The following DGKB variants were observed in gnomAD, a reference collection of about 807,000 sequenced individuals.
DGKB encodes the protein diacylglycerol kinase beta.
A neutral mutation model predicts 114.3 loss-of-function variants in DGKB; 67 were observed. The ratio of observed to expected loss-of-function variants is 0.59; its 90% CI spans 0.48 to 0.72. DGKB has a LOEUF of 0.72. DGKB is among the 30% of genes least tolerant of loss of function. The probability of loss-of-function intolerance (pLI) is 0.00; values close to 1 mark genes in which losing one functional copy is unlikely to be tolerated. For missense variants in DGKB, 907 were observed against 975.2 expected (o/e 0.93, Z 0.93); for synonymous variants, 398 against 323.1 (o/e 1.23, Z -2.49).
At chr7:14,303,265 G>A (rs531961789) in intron 23 of DGKB, among the ~76,000 whole-genome samples, 3 of 151,994 alleles carry the variant, frequency 2.0e-5, no homozygotes, top group South Asian at 2.1e-4. Context: ...AAGTTATTGC[G>A]TTTCATTTTT....
At chr7:14,618,922 G>A (rs1807078631) in intron 15 of DGKB, among the ~76,000 whole-genome samples, 1 of 151,054 alleles carries the variant, frequency 6.6e-6, no homozygotes, top group Non-Finnish European at 1.5e-5. Context: ...TAACTTTATG[G>A]TAGATCTTTT....
rs368304510 is a variant in DGKB at position 14,169,289 on chromosome 7, C to T, written c.2304+7550G>A. 2.3e-4 allele frequency among the ~76,000 whole-genome samples: 33 copies of T among 146,140 alleles called. 1 individual carries two copies. The highest frequency in any genetic ancestry group is 1.2e-3 in the Admixed American group (17 of 14,204). ...CTGAGGCAGGAGAATGGCGTGAACCCGGGAGGTGGAGATTGCAGTGAGCCG... is the reference window on the plus strand; with the variant it reads ...CTGAGGCAGGAGAATGGCGTGAACCTGGGAGGTGGAGATTGCAGTGAGCCG... On this transcript the variant is annotated intron_variant, in intron 25 of 25. Transcript: ENST00000402815.
intron 21 of DGKB, among the ~76,000 whole-genome samples, chr7:14,430,868 A>G (rs1828352231): frequency 6.6e-6 from 1 of 152,196 alleles, no homozygotes; most frequent in African/African-American, 2.4e-5. Flanking sequence ...CTATCTAAGA[A>G]TCTACCTTTA....
At chr7:14,327,818 A>C (rs1053129823) in intron 23 of DGKB, among the ~76,000 whole-genome samples, 1 of 152,092 alleles carries the variant, frequency 6.6e-6, no homozygotes, top group African/African-American at 2.4e-5. Flanking sequence ...CAAGTATAAA[A>C]ATTTTTGTAA....
rs1250273818 is a variant in DGKB at position 14,682,478 on chromosome 7, G to GGACTT, written c.1035+70_1035+74dup. On this transcript the variant is annotated intron_variant, in intron 12 of 25. Transcript: ENST00000402815. ...AGTTTCAGGAAGCCCTTCTAGGGTA[G>GGACTT]GACTTTCAGAGAGTATGATATACAC... 2.5e-5 allele frequency: 25 copies of GGACTT among 982,702 alleles called. No individual in the cohort carries two copies. In the African/African-American group the frequency reaches 3.2e-4, roughly 13 times the overall value. The allele number at this position is 982,702 out of a possible 1,614,324, so 60.9% of individuals were successfully genotyped here.
At chr7:14,864,786 G>C (rs1484005046) in intron 1 of DGKB, among the ~76,000 whole-genome samples, 1 of 127,172 alleles carries the variant, frequency 7.9e-6, no homozygotes, top group Non-Finnish European at 1.9e-5. Flanking sequence ...AGGGATAAGA[G>C]ATGATGACAA....
At chr7:14,885,694 T>G (rs974744657) in intron 1 of DGKB, among the ~76,000 whole-genome samples, 1 of 151,948 alleles carries the variant, frequency 6.6e-6, no homozygotes. Context: ...TACCATGGAC[T>G]GTGCTAAGAT....
intron 5 of DGKB, among the ~76,000 whole-genome samples, chr7:14,731,599 C>T (rs1830934245): frequency 6.6e-6 from 1 of 151,976 alleles, no homozygotes; most frequent in African/African-American, 2.4e-5. Flanking sequence ...TTAAATTTCT[C>T]TTAGGTTATG....
intron 20 of DGKB, among the ~76,000 whole-genome samples, chr7:14,548,698 G>A (rs1300602009): frequency 6.6e-6 from 1 of 152,120 alleles, no homozygotes; most frequent in South Asian, 2.1e-4. Flanking sequence ...CAACAGCAGG[G>A]CCACTGGAGC....
chr7:14,150,275 T>G (rs1170423711), intron 25 of DGKB, among the ~76,000 whole-genome samples: 2 of 152,118 alleles, frequency 1.3e-5, no homozygotes, highest in Non-Finnish European at 2.9e-5. Context: ...TGAGTATTTC[T>G]TTCAAAAAGA....
In DGKB at chr7:14,315,340, A is replaced by C. The variant is rs371401911; in HGVS notation, c.2122+23175T>G. Among the ~76,000 whole-genome samples, 45 of 149,948 alleles carry C rather than the reference A, an allele frequency of 3.0e-4. 1 individual carries two copies. In the South Asian group the frequency reaches 9.0e-3, roughly 30 times the overall value. ...CCAATTAAAAGACACAGACTGGCAA[A>C]TTGGATAAAGAGTCAAGACCCATCA... On this transcript the variant is annotated intron_variant, in intron 23 of 25. Transcript: ENST00000402815.
chr7:14,517,946 C>T (rs1430899089), intron 20 of DGKB, among the ~76,000 whole-genome samples: 1 of 152,144 alleles, frequency 6.6e-6, no homozygotes, highest in East Asian at 1.9e-4. Context: ...CTTGACCCAG[C>T]AATCCCATTC....
intron 23 of DGKB, among the ~76,000 whole-genome samples, chr7:14,321,603 G>GAAAAAAAA (rs1164711723): frequency 2.2e-5 from 1 of 44,494 alleles, no homozygotes; most frequent in Non-Finnish European, 5.9e-5. Context: ...AGAGAAATAA[G>GAAAAAAAA]AAAAAAAAAA....
chr7:14,946,212 GT>G (rs1429235078), intron 1 of DGKB, among the ~76,000 whole-genome samples: 2 of 151,206 alleles, frequency 1.3e-5, no homozygotes, highest in Non-Finnish European at 3.0e-5. Flanking sequence ...TTCCATATAG[GT>G]TCTACAGCAT....
At chr7:14,956,047 C>G (rs1285873639) in intron 1 of DGKB, among the ~76,000 whole-genome samples, 1 of 151,836 alleles carries the variant, frequency 6.6e-6, no homozygotes, top group Non-Finnish European at 1.5e-5. Flanking sequence ...ATTGGCAAAA[C>G]TCGTGATAAC....
At chr7:14,518,542 T>G (rs921703469) in intron 20 of DGKB, among the ~76,000 whole-genome samples, 22 of 152,012 alleles carry the variant, frequency 1.4e-4, no homozygotes, top group African/African-American at 5.3e-4. Flanking sequence ...CTTTAAAACT[T>G]TGTGTGTAAT....
At chr7:14,744,851 A>G (rs1324954499) in intron 4 of DGKB, among the ~76,000 whole-genome samples, 1 of 152,094 alleles carries the variant, frequency 6.6e-6, no homozygotes, top group African/African-American at 2.4e-5. Context: ...TTTTTTGCCT[A>G]CATTTTACAT....
At chr7:14,282,682 T>A (rs1357682597) in intron 23 of DGKB, among the ~76,000 whole-genome samples, 2 of 150,796 alleles carry the variant, frequency 1.3e-5, no homozygotes, top group Non-Finnish European at 3.0e-5. Context: ...GTGGGCTTCA[T>A]CCCTGGGATG....
chr7:14,861,612 A>C lies in DGKB; in HGVS notation c.-187-20162T>G, dbSNP rs540064209. Among the ~76,000 whole-genome samples, 4 of 151,792 alleles carry C rather than the reference A, an allele frequency of 2.6e-5. No homozygotes were observed. In the East Asian group the frequency reaches 7.7e-4, roughly 29 times the overall value. On this transcript the variant is annotated intron_variant, in intron 1 of 25. Coordinates refer to ENST00000402815, the MANE Select transcript of DGKB (RefSeq NM_001350709.2). The stretch of plus-strand genomic sequence containing the variant: ...TGCCTGTTTGCCTGTCTCTTAAAGC[A>C]CTCCCTTTCACACTGTTTCTCATTA...
Sources: allele counts gnomAD v4.1 joint callset (sites outside exome capture counted in the v4.1 genomes callset), GRCh38; gene constraint gnomAD v4.1.1; transcripts MANE v1.5; gene names NCBI Gene and HGNC (gene_info 2026-07-23, HGNC 2026-07-21).